Variants in TRPC5 observed in about 807,000 individuals in gnomAD.
TRPC5 encodes short transient receptor potential channel 5.
In TRPC5, 9 loss-of-function variants were observed where a neutral mutation model predicts 56.5. That is an observed-to-expected ratio of 0.16 (90% CI 0.10 to 0.28). The LOEUF (loss-of-function observed/expected upper bound fraction) is 0.28. TRPC5 is among the 10% of genes least tolerant of loss of function. The pLI is 1.00. For synonymous variants in TRPC5, 282 were observed against 278.5 expected (o/e 1.01, Z -0.13); for missense variants, 469 against 748.9 (o/e 0.63, Z 4.36).
chrX:111,898,888 A>G (rs897217338), intron 3 of TRPC5, among the ~76,000 whole-genome samples: 1 of 109,987 alleles, frequency 9.1e-6, no homozygotes, highest in Non-Finnish European at 1.9e-5. Context: ...ACCAAGGAGA[A>G]AGGGATCCCA....
chrX:112,013,027 T>C (rs913384289), intron 1 of TRPC5, among the ~76,000 whole-genome samples: 2 of 112,514 alleles, frequency 1.8e-5, no homozygotes, highest in Non-Finnish European at 3.7e-5. Flanking sequence ...TGATCCTGTA[T>C]ATAAAATGTA....
At chrX:111,945,744 C>A (rs760044594) in intron 2 of TRPC5, among the ~76,000 whole-genome samples, 1 of 111,957 alleles carries the variant, frequency 8.9e-6, no homozygotes, top group African/African-American at 3.2e-5. Context: ...TTACTTCTAG[C>A]CTGGAGCTAA....
At chrX:111,959,519 A>G (rs1235460771) in intron 1 of TRPC5, among the ~76,000 whole-genome samples, 1 of 112,058 alleles carries the variant, frequency 8.9e-6, no homozygotes, top group Non-Finnish European at 1.9e-5. Context: ...TATATGACAT[A>G]TAGAAAACAA....
intron 1 of TRPC5, among the ~76,000 whole-genome samples, chrX:112,022,301 G>A (rs185608705): frequency 1.8e-5 from 2 of 112,337 alleles, no homozygotes; most frequent in Admixed American, 9.4e-5. Context: ...AGTACAGGCA[G>A]AGAGGAAAGA....
intron 2 of TRPC5, among the ~76,000 whole-genome samples, chrX:111,927,564 G>C (rs763479582): frequency 1.8e-5 from 2 of 111,358 alleles, no homozygotes; most frequent in African/African-American, 6.5e-5. Flanking sequence ...TGGGAATGAA[G>C]TGTCTTCATC....
At chrX:111,962,855 T>C (rs1161357892) in intron 1 of TRPC5, among the ~76,000 whole-genome samples, 2 of 111,935 alleles carry the variant, frequency 1.8e-5, no homozygotes, top group Non-Finnish European at 3.8e-5. Context: ...GGAGCCAAGA[T>C]GGCCGAATAG....
chrX:112,049,994 G>A (rs147610575), intron 1 of TRPC5, among the ~76,000 whole-genome samples: 4,248 of 111,624 alleles, frequency 0.038, 80 homozygotes, highest in Middle Eastern at 0.06. Context: ...TGGCCAACAT[G>A]GGGAAACCCC....
chrX:111,848,411 T>A (rs1603055053), intron 5 of TRPC5, among the ~76,000 whole-genome samples: 1 of 112,289 alleles, frequency 8.9e-6, no homozygotes, highest in Admixed American at 9.4e-5. Context: ...TGTATCCATA[T>A]GCAAAAGTCT....
At chrX:111,896,426 G>A (rs778264093) in intron 3 of TRPC5, 1 of 108,927 alleles carries the variant, frequency 9.2e-6, no homozygotes, top group East Asian at 2.9e-4. Context: ...CATCCTGTTT[G>A]GAAACAAAGT....
At chrX:111,965,918 GA>G (rs1166298071) in intron 1 of TRPC5, among the ~76,000 whole-genome samples, 2 of 111,473 alleles carry the variant, frequency 1.8e-5, no homozygotes, top group African/African-American at 6.5e-5. Flanking sequence ...AAAAGAACTA[GA>G]AAAGCAAGCA....
chrX:111,861,496 A>T (rs919747144), intron 3 of TRPC5, among the ~76,000 whole-genome samples: 6 of 111,874 alleles, frequency 5.4e-5, no homozygotes, highest in African/African-American at 1.9e-4. Context: ...TAAGAAAAAC[A>T]ATTTTTAGTG....
chrX:111,838,739 G>A (rs1419825288), intron 6 of TRPC5, among the ~76,000 whole-genome samples: 1 of 111,640 alleles, frequency 9.0e-6, no homozygotes, highest in Non-Finnish European at 1.9e-5. Flanking sequence ...GGTTAAGGGA[G>A]AACTTGCACA....
At chrX:112,054,701 C>A (rs1316744032) in intron 1 of TRPC5, among the ~76,000 whole-genome samples, 1 of 111,169 alleles carries the variant, frequency 9.0e-6, no homozygotes, top group Non-Finnish European at 1.9e-5. Context: ...GTCTACCTGT[C>A]TTTAAAGCCT....
At chrX:112,016,886 C>T (rs1254111619) in intron 1 of TRPC5, among the ~76,000 whole-genome samples, 1 of 112,633 alleles carries the variant, frequency 8.9e-6, no homozygotes, top group Non-Finnish European at 1.9e-5. Flanking sequence ...GATAATGAAG[C>T]AGCCTGATAT....
chrX:111,926,388 A>C (rs73639668), intron 2 of TRPC5, among the ~76,000 whole-genome samples: 1,481 of 111,805 alleles, frequency 0.013, 29 homozygotes, highest in African/African-American at 0.046. Context: ...CATGTCTGAC[A>C]ATTAAAATTT....
intron 1 of TRPC5, among the ~76,000 whole-genome samples, chrX:112,035,044 G>T (rs1602404076): frequency 9.9e-6 from 1 of 101,337 alleles, no homozygotes; most frequent in Non-Finnish European, 2.0e-5. Flanking sequence ...ATTTCCTTAA[G>T]ATGTAAAGTG....
chrX:112,072,072 C>G (rs1383495091), intron 1 of TRPC5, among the ~76,000 whole-genome samples: 1 of 112,042 alleles, frequency 8.9e-6, no homozygotes, highest in Non-Finnish European at 1.9e-5. Flanking sequence ...TTACTCTGCT[C>G]TGCTAGAGTA....
At chrX:112,001,405 A>C (rs979401875) in intron 1 of TRPC5, among the ~76,000 whole-genome samples, 3 of 112,078 alleles carry the variant, frequency 2.7e-5, no homozygotes, top group Non-Finnish European at 5.6e-5. Flanking sequence ...TACATAAGTT[A>C]AGAATGCAAA....
intron 1 of TRPC5, among the ~76,000 whole-genome samples, chrX:112,070,416 A>G (rs1930688171): frequency 9.0e-6 from 1 of 111,065 alleles, no homozygotes; most frequent in African/African-American, 3.3e-5. Flanking sequence ...CTCCTGGGCC[A>G]ATTTCTTTCT....
Sources: allele counts gnomAD v4.1 joint callset (sites outside exome capture counted in the v4.1 genomes callset), GRCh38; gene constraint gnomAD v4.1.1; transcripts MANE v1.5; gene names NCBI Gene and HGNC (gene_info 2026-07-23, HGNC 2026-07-21).